CCDC191: variants seen among roughly 807,000 people sequenced by gnomAD.
CCDC191 encodes coiled-coil domain-containing protein 191.
CCDC191 carries 99 observed loss-of-function variants against 114.0 expected under a neutral mutation model. That is an observed-to-expected ratio of 0.87 (90% CI 0.74 to 1.03). The LOEUF (loss-of-function observed/expected upper bound fraction) is 1.03. Among genes scored for constraint, CCDC191 ranks in the 50% least tolerant of loss-of-function variants. The probability of loss-of-function intolerance (pLI) is 0.00; values close to 1 mark genes in which losing one functional copy is unlikely to be tolerated. For missense variants in CCDC191, 973 were observed against 1,087.0 expected (o/e 0.90, Z 1.47); for synonymous variants, 351 against 376.0 (o/e 0.93, Z 0.77).
At chr3:113,972,674 G>T (rs1031032752) in intron 16 of CCDC191, among the ~76,000 whole-genome samples, 1 of 152,090 alleles carries the variant, frequency 6.6e-6, no homozygotes, top group Non-Finnish European at 1.5e-5. Context: ...GCGTGTTGAA[G>T]TCCCCTATGA....
At chr3:114,005,458 T>G in intron 10 of CCDC191, 50 bp downstream of exon 10, 1 of 1,522,794 alleles carries the variant, frequency 6.6e-7, no homozygotes. Flanking sequence ...GAGCCCAAAG[T>G]GAAAAACCCC....
chr3:114,006,274 C>A (rs999976936), intron 9 of CCDC191, among the ~76,000 whole-genome samples: 3 of 151,940 alleles, frequency 2.0e-5, no homozygotes, highest in Admixed American at 6.6e-5. Context: ...CATGGTGAAA[C>A]CCTGTCTCTA....
At chr3:113,975,832 G>A (rs899705723) in intron 16 of CCDC191, among the ~76,000 whole-genome samples, 5 of 152,204 alleles carry the variant, frequency 3.3e-5, no homozygotes, top group African/African-American at 1.2e-4. Flanking sequence ...AGTGGGAAGA[G>A]ATGAAATCAC....
At chr3:113,969,871 C>A (rs1204282047) in intron 16 of CCDC191, among the ~76,000 whole-genome samples, 1 of 151,986 alleles carries the variant, frequency 6.6e-6, no homozygotes, top group African/African-American at 2.4e-5. Flanking sequence ...AATTTTTTTT[C>A]TATTTCCGTG....
Position 114,005,977 on chromosome 3 carries a change from C to T in CCDC191, c.1414-15G>A. On this transcript the variant is annotated splice_polypyrimidine_tract_variant and intron_variant, in intron 9 of 16. Transcript: ENST00000295878. ...ACAGCAGTCTCCTGAGAGAGAGAAA[C>T]ATGTTATAGCTCAACTATTTAAAGG... 1 of 1,596,088 alleles carries T rather than the reference C, an allele frequency of 6.3e-7. No individual in the cohort carries two copies. The highest frequency in any genetic ancestry group is 8.6e-7 in the Non-Finnish European group (1 of 1,164,330).
At chr3:114,003,248 G>A in intron 11 of CCDC191, 1 of 985,428 alleles carries the variant, frequency 1.0e-6, no homozygotes, top group Middle Eastern at 5.2e-4. Flanking sequence ...CATAGGAAGA[G>A]GGGCATGGAT....
chr3:113,994,866 A>G (rs969277911), intron 13 of CCDC191, among the ~76,000 whole-genome samples: 5 of 152,030 alleles, frequency 3.3e-5, no homozygotes, highest in Non-Finnish European at 7.4e-5. Context: ...ACAGGTGTGA[A>G]CACCTGACTG....
intron 11 of CCDC191, chr3:114,003,364 T>G: frequency 3.0e-6 from 3 of 985,264 alleles, no homozygotes; most frequent in Non-Finnish European, 3.6e-6. Context: ...TAAGAATTAA[T>G]AAACAAAAAA....
At chr3:113,983,037 C>G (rs2075224536) in intron 13 of CCDC191, among the ~76,000 whole-genome samples, 1 of 152,086 alleles carries the variant, frequency 6.6e-6, no homozygotes, top group Admixed American at 6.6e-5. Flanking sequence ...GAATGAGGCT[C>G]CTTTCCTAGA....
chr3:113,974,109 T>G (rs1408454324), intron 16 of CCDC191, among the ~76,000 whole-genome samples: 1 of 152,134 alleles, frequency 6.6e-6, no homozygotes, highest in Non-Finnish European at 1.5e-5. Flanking sequence ...TATTTCTCAG[T>G]TCCAAGATTT....
chr3:113,971,979 A>G (rs957088071), intron 16 of CCDC191, among the ~76,000 whole-genome samples: 2 of 152,080 alleles, frequency 1.3e-5, no homozygotes, highest in African/African-American at 4.8e-5. Flanking sequence ...GGTGTTCATA[A>G]TAGTCTCTAG....
chr3:113,979,138 T>C (rs2075046420), intron 14 of CCDC191, 128 bp from the exon 15 acceptor site: 2 of 815,594 alleles, frequency 2.5e-6, no homozygotes, highest in Admixed American at 2.4e-5. Flanking sequence ...TGAAGGTACA[T>C]GCAGCCTGTG....
At chr3:114,037,316 T>C (rs1389941729) in intron 4 of CCDC191, among the ~76,000 whole-genome samples, 1 of 152,204 alleles carries the variant, frequency 6.6e-6, no homozygotes, top group Non-Finnish European at 1.5e-5. Flanking sequence ...TGCCCTCCAC[T>C]GTGCTCCAAG....
At chr3:113,973,554 T>G (rs767841482) in intron 16 of CCDC191, among the ~76,000 whole-genome samples, 15 of 152,166 alleles carry the variant, frequency 9.9e-5, no homozygotes, top group Admixed American at 4.6e-4. Context: ...TCCTTCATAT[T>G]TGAAAGATGG....
chr3:114,023,889 CA>C (rs2076279663), intron 7 of CCDC191, among the ~76,000 whole-genome samples: 1 of 151,864 alleles, frequency 6.6e-6, no homozygotes, highest in Non-Finnish European at 1.5e-5. Flanking sequence ...TTCTGCACAG[CA>C]AAAGAAACTA....
Position 113,980,701 on chromosome 3 carries a change from T to G in CCDC191, c.2256A>C (p.Lys752Asn). 6.2e-7 allele frequency: 1 copy of G among 1,607,464 alleles called. No individual in the cohort carries two copies. The highest frequency in any genetic ancestry group is 8.5e-7 in the Non-Finnish European group (1 of 1,177,580). Reference protein sequence around the residue: ...EHYERVLLRKKGLEPWKRLRM... With the variant: ...EHYERVLLRKNGLEPWKRLRM... ...TCAATCTCTTCCAAGGCTCTAGACC[T>G]TTTTTCCTTAGCAAGACCCTTTCAT... Residue 752 changes from lysine to asparagine, a missense_variant, in exon 14 of 17, where the codon AAA (lysine) becomes AAC (asparagine). By Grantham distance (94) the Lys-to-Asn change is moderately conservative. Coordinates refer to ENST00000295878, the MANE Select transcript of CCDC191 (RefSeq NM_020817.2).
At chr3:113,973,746 C>T (rs1485177313) in intron 16 of CCDC191, among the ~76,000 whole-genome samples, 1 of 151,846 alleles carries the variant, frequency 6.6e-6, no homozygotes, top group Non-Finnish European at 1.5e-5. Flanking sequence ...CTTTTAGGAT[C>T]CTCTTTGTCC....
chr3:113,983,398 T>C (rs1009840135), intron 13 of CCDC191, among the ~76,000 whole-genome samples: 4 of 152,176 alleles, frequency 2.6e-5, no homozygotes, highest in African/African-American at 9.7e-5. Context: ...CACAGTCTTG[T>C]GGTCCAGGCT....
In CCDC191 at chr3:113,978,848, A is replaced by G; in HGVS notation, c.2460+10T>C. 1.2e-6 allele frequency: 2 copies of G among 1,612,218 alleles called. No individual in the cohort carries two copies. The highest frequency in any genetic ancestry group is 1.7e-6 in the Non-Finnish European group (2 of 1,178,896). The stretch of plus-strand genomic sequence containing the variant: ...AGATGTATTTAAGGTACCCTTCCCT[A>G]TGTCCTTACCTGTAGCCAGCTCTGG... On this transcript the variant is annotated intron_variant, in intron 15 of 16. Coordinates refer to ENST00000295878, the MANE Select transcript of CCDC191 (RefSeq NM_020817.2).
Sources: allele counts gnomAD v4.1 joint callset (sites outside exome capture counted in the v4.1 genomes callset), GRCh38; gene constraint gnomAD v4.1.1; transcripts MANE v1.5; gene names NCBI Gene and HGNC (gene_info 2026-07-23, HGNC 2026-07-21).